D2HGDH: variants seen among roughly 807,000 people sequenced by gnomAD.
D2HGDH encodes D-2-hydroxyglutarate dehydrogenase, mitochondrial.
A neutral mutation model predicts 46.9 loss-of-function variants in D2HGDH; 31 were observed. That is an observed-to-expected ratio of 0.66 (90% CI 0.50 to 0.89). D2HGDH has a LOEUF of 0.89. Among genes scored for constraint, D2HGDH ranks in the 40% least tolerant of loss-of-function variants. The pLI is 0.00. For synonymous variants in D2HGDH, 364 were observed against 332.6 expected (o/e 1.09, Z -1.03); for missense variants, 698 against 720.8 (o/e 0.97, Z 0.36).
chr2:241,755,462 T>A (rs1194155513), intron 8 of D2HGDH: 1 of 1,317,378 alleles, frequency 7.6e-7, no homozygotes, highest in Non-Finnish European at 1.0e-6. Context: ...TGCCGTGTCA[T>A]GACCTGAAGC....
Position 241,735,496 on chromosome 2 carries a change from A to T in D2HGDH, c.272A>T (p.Asp91Val). Residue 91 changes from aspartate (D) to valine (V), a missense_variant, in exon 2 of 10, where the codon GAC (aspartate) becomes GTC (valine). Transcript: ENST00000321264. ...DPEALQAPNVDWLRTLRGCSK... is the reference protein window; with the variant it reads ...DPEALQAPNVVWLRTLRGCSK... ...GAAGCGCTGCAGGCTCCCAACGTGGACTGGTTGCGGACGCTGCGAGGTGGG... is the reference window on the plus strand; with the variant it reads ...GAAGCGCTGCAGGCTCCCAACGTGGTCTGGTTGCGGACGCTGCGAGGTGGG... The T allele has an allele frequency of 6.2e-7, 1 of 1,607,728 alleles. No homozygotes were observed. The highest frequency in any genetic ancestry group is 8.5e-7 in the Non-Finnish European group (1 of 1,179,778).
rs1254280171 is a variant in D2HGDH at position 241,768,365 on chromosome 2, C to T, written c.*396C>T. ...GCTTGCTGCTCGTTCCCCGGGCATG[C>T]GTGGGCAGCGGGGGGCATGCGTGGG... is the stretch of plus-strand genomic sequence containing the variant. On this transcript the variant is annotated 3_prime_UTR_variant, in exon 10 of 10. Coordinates refer to ENST00000321264, the MANE Select transcript of D2HGDH (RefSeq NM_152783.5). 2.9e-5 allele frequency: 6 copies of T among 205,382 alleles called. No homozygotes were observed. Among genetic ancestry groups the T allele is most frequent in the South Asian group, 2.0e-4 (2 of 10,076 alleles). 12.7% of individuals were successfully genotyped at this position (205,382 alleles called of 1,614,324 possible).
At chr2:241,767,681 G>C (rs372363716) in intron 9 of D2HGDH, 29 bp from the exon 10 acceptor site, 34 of 1,612,018 alleles carry the variant, frequency 2.1e-5, no homozygotes, top group Non-Finnish European at 2.6e-5. Flanking sequence ...GCCCTGCCCA[G>C]CCTGACCCAT....
At chr2:241,751,164 C>T (rs1575285508) in intron 7 of D2HGDH, 82 bp from the exon 8 acceptor site, 5 of 1,590,688 alleles carry the variant, frequency 3.1e-6, no homozygotes, top group Non-Finnish European at 4.3e-6. Flanking sequence ...GTTGCTATTA[C>T]AGCTGTTCTG....
intron 6 of D2HGDH, chr2:241,748,841 G>A: frequency 1.6e-6 from 2 of 1,264,614 alleles, no homozygotes; most frequent in Non-Finnish European, 1.0e-6. Flanking sequence ...TCTGTGTTCT[G>A]CTCTGATCCC....
At chr2:241,764,299 C>A (rs1488573831) in intron 9 of D2HGDH, among the ~76,000 whole-genome samples, 1 of 152,182 alleles carries the variant, frequency 6.6e-6, no homozygotes, top group Non-Finnish European at 1.5e-5. Flanking sequence ...CTTTCTAGTT[C>A]CCAGCTGGGA....
rs375565047 is a variant in D2HGDH, at chr2:241,755,980, G to C, written c.1272G>C (p.Pro424=). 6.2e-7 allele frequency: 1 copy of C among 1,603,226 alleles called. No homozygotes were observed. Among genetic ancestry groups the C allele is most frequent in the African/African-American group, 1.3e-5 (1 of 74,806 alleles). Residue 424 remains proline, a synonymous_variant, in exon 9 of 10, where the codon CCG becomes CCC. Coordinates refer to ENST00000321264, the MANE Select transcript of D2HGDH (RefSeq NM_152783.5). ...CTGACCTGCGCGCCCGCCTCGGCCC[G>C]CACGCCAAGCACGTGGTGGGCTATG... The part of the protein sequence containing the change: ...IVTDLRARLG[P]HAKHVVGYGH...
Position 241,743,571 on chromosome 2 carries a change from C to G in D2HGDH, c.491-51C>G. The G allele has an allele frequency of 2.5e-6, 4 of 1,585,526 alleles. No homozygotes were observed. The highest frequency in any genetic ancestry group is 3.4e-6 in the Non-Finnish European group (4 of 1,166,548). On this transcript the variant is annotated intron_variant, in intron 4 of 9. Transcript: ENST00000321264. This position sits in a 1 kb window ranked among gnomAD's most constrained non-coding sequence, Gnocchi z 4.8. The stretch of plus-strand genomic sequence containing the variant: ...AGATGGGGGTTGGGACTCACCAGCC[C>G]GGGGGCCCACTGGAAGCCAAGTGCT...
At chr2:241,756,077 C>T in intron 9 of D2HGDH, 63 bp downstream of exon 9, 2 of 1,533,588 alleles carry the variant, frequency 1.3e-6, no homozygotes, top group Non-Finnish European at 1.8e-6. Context: ...CGGTCACCGT[C>T]ACCCTGCCAG....
At chr2:241,763,954 G>A (rs142386958) in intron 9 of D2HGDH, among the ~76,000 whole-genome samples, 1,970 of 152,342 alleles carry the variant, frequency 0.013, 18 homozygotes, top group Non-Finnish European at 0.019. Flanking sequence ...GGAGGCAGAG[G>A]TGGGAGGACT....
intron 7 of D2HGDH, among the ~76,000 whole-genome samples, chr2:241,750,528 A>G (rs976747238): frequency 2.0e-5 from 3 of 152,196 alleles, no homozygotes; most frequent in African/African-American, 7.2e-5. Context: ...AGTTACACAG[A>G]TTTCCTGATC....
At chr2:241,754,604 T>C (rs1425209189) in intron 8 of D2HGDH, 1 of 153,716 alleles carries the variant, frequency 6.5e-6, no homozygotes, top group African/African-American at 2.4e-5. Context: ...AAACAGAGTC[T>C]TTTTTTGTCT....
Position 241,742,293 on chromosome 2 carries a change from T to C in D2HGDH, c.351-142T>C. 2 of 1,135,930 alleles carry C rather than the reference T, an allele frequency of 1.8e-6. No individual in the cohort carries two copies. 70.4% of individuals were successfully genotyped at this position (1,135,930 alleles called of 1,614,324 possible). A position where few individuals can be genotyped will look rare whatever the true frequency, so the allele number is the denominator to read the frequency against. ...CTCAGAATCCCTCACATGCGTGGGC[T>C]GGGGAGGAGCCCCCGCTGAGGCTGC... is the stretch of plus-strand genomic sequence containing the variant. On this transcript the variant is annotated intron_variant, in intron 3 of 9. Transcript: ENST00000321264. The surrounding 1 kb of genome is among the most constrained non-coding windows in gnomAD (Gnocchi z 4.8).
At chr2:241,748,060 G>A (rs906755223) in intron 6 of D2HGDH, among the ~76,000 whole-genome samples, 3 of 152,170 alleles carry the variant, frequency 2.0e-5, no homozygotes, top group African/African-American at 7.2e-5. Context: ...CAACAGCGTT[G>A]ACTTGGTGCT....
chr2:241,742,472 G>T lies in D2HGDH; in HGVS notation c.388G>T (p.Gly130Trp). Reference sequence around the variant, plus strand: ...GAGGAACCTGGCCGTGAACCCACAGGGGGGCAACACAGGCATGGTGGGTGG... The same window carrying T: ...GAGGAACCTGGCCGTGAACCCACAGTGGGGCAACACAGGCATGGTGGGTGG... ...HERNLAVNPQ[G>W]GNTGMVGGSV... The change falls in exon 4 of 10, where the codon GGG becomes TGG. Residue 130 changes from glycine to tryptophan, a missense_variant. Gly to Trp is a radical substitution (Grantham distance 184). Coordinates refer to ENST00000321264, the MANE Select transcript of D2HGDH (RefSeq NM_152783.5). The surrounding 1 kb of genome is among the most constrained non-coding windows in gnomAD (Gnocchi z 4.8). 1.2e-6 allele frequency: 2 copies of T among 1,613,858 alleles called. No individual in the cohort carries two copies. Among genetic ancestry groups the T allele is most frequent in the Non-Finnish European group, 1.7e-6 (2 of 1,179,928 alleles).
intron 9 of D2HGDH, among the ~76,000 whole-genome samples, chr2:241,761,277 G>A (rs1232515779): frequency 2.0e-5 from 3 of 152,184 alleles, no homozygotes; most frequent in Non-Finnish European, 4.4e-5. Context: ...AGTGGCTCAC[G>A]TCTGTAATCC....
intron 7 of D2HGDH, among the ~76,000 whole-genome samples, chr2:241,750,811 G>T (rs1697049597): frequency 6.6e-6 from 1 of 152,086 alleles, no homozygotes; most frequent in Non-Finnish European, 1.5e-5. Context: ...CCACCTCCCG[G>T]GTTCAAACGA....
At chr2:241,765,087 C>T (rs905936480) in intron 9 of D2HGDH, among the ~76,000 whole-genome samples, 34 of 152,268 alleles carry the variant, frequency 2.2e-4, no homozygotes, top group African/African-American at 7.9e-4. Context: ...GCTCCAGGGG[C>T]GACACCCATG....
intron 9 of D2HGDH, among the ~76,000 whole-genome samples, chr2:241,763,366 G>A (rs1225523511): frequency 1.3e-5 from 2 of 152,160 alleles, no homozygotes; most frequent in African/African-American, 2.4e-5. Flanking sequence ...CTGAGTATGT[G>A]CCTGAACACA....
Sources: allele counts gnomAD v4.1 joint callset (sites outside exome capture counted in the v4.1 genomes callset), GRCh38; gene constraint gnomAD v4.1.1; non-coding constraint Gnocchi (gnomAD v3.1); transcripts MANE v1.5; gene names NCBI Gene and HGNC (gene_info 2026-07-23, HGNC 2026-07-21).